GPD1L: variants seen among roughly 807,000 people sequenced by gnomAD.
GPD1L encodes the protein glycerol-3-phosphate dehydrogenase 1-like protein.
GPD1L carries 17 observed loss-of-function variants against 32.9 expected under a neutral mutation model. The observed-to-expected ratio is 0.52, with a 90% CI of 0.35 to 0.78. The LOEUF is 0.78. Among genes scored for constraint, GPD1L ranks in the 30% least tolerant of loss-of-function variants. The pLI is 0.01. For missense variants in GPD1L, 361 were observed against 447.8 expected, an observed-to-expected ratio of 0.81 and a Z score of 1.75; for synonymous variants, 187 against 165.9, an observed-to-expected ratio of 1.13 and a Z score of -0.98.
At chr3:32,136,199 C>G (rs912765184) in intron 2 of GPD1L, among the ~76,000 whole-genome samples, 1 of 152,120 alleles carries the variant, frequency 6.6e-6, no homozygotes. Context: ...ATGGTAGCCC[C>G]GTGGCGTAGG....
intron 1 of GPD1L, 42 bp from the exon 2 acceptor site, chr3:32,128,034 C>T (rs1700536847): frequency 7.2e-7 from 1 of 1,387,102 alleles, no homozygotes; most frequent in African/African-American, 1.4e-5. Context: ...CTCTCCCGCC[C>T]AAGTGAGTTT....
At chr3:32,109,533 CTGGCTGCCTGGCT>C (rs892764098) in intron 1 of GPD1L, among the ~76,000 whole-genome samples, 1 of 152,208 alleles carries the variant, frequency 6.6e-6, no homozygotes, top group Non-Finnish European at 1.5e-5. Context: ...ATGGTTTGGG[CTGGCTGCCTGGCT>C]TCATTAATTA....
chr3:32,128,252 T>G lies in GPD1L; in HGVS notation c.224T>G (p.Val75Gly), dbSNP rs1553658277. The G allele has an allele frequency of 1.2e-6, 2 of 1,612,576 alleles. No homozygotes were observed. Among genetic ancestry groups the G allele is most frequent in the Non-Finnish European group, 1.7e-6 (2 of 1,178,730 alleles). ...YLPGHKLPEN[V>G]VAMSNLSEAV... ...CCTGGACACAAGCTGCCAGAAAATG[T>G]GGTAAGACTTTGGGGTGAAATGTAC... Residue 75 changes from valine to glycine, a missense_variant and splice_region_variant, in exon 2 of 8, where the codon GTG (valine) becomes GGG (glycine). Coordinates refer to ENST00000282541, the MANE Select transcript of GPD1L (RefSeq NM_015141.4).
intron 2 of GPD1L, among the ~76,000 whole-genome samples, chr3:32,135,099 T>C (rs1700645161): frequency 6.6e-6 from 1 of 152,238 alleles, no homozygotes; most frequent in African/African-American, 2.4e-5. Context: ...TTTTTCTCTT[T>C]GGTTCTGGTG....
intron 1 of GPD1L, among the ~76,000 whole-genome samples, chr3:32,110,108 C>T (rs1226381164): frequency 1.3e-5 from 2 of 152,304 alleles, no homozygotes; most frequent in African/African-American, 2.4e-5. Flanking sequence ...TTAGTAGAGA[C>T]GAGGTTTCAC....
chr3:32,108,646 C>A (rs1700199891), intron 1 of GPD1L, among the ~76,000 whole-genome samples: 1 of 152,208 alleles, frequency 6.6e-6, no homozygotes, highest in South Asian at 2.1e-4. Flanking sequence ...TACTTCTGTC[C>A]TTTCTGGAGG....
At chr3:32,163,313 C>A (rs185899658) in intron 7 of GPD1L, among the ~76,000 whole-genome samples, 4 of 151,888 alleles carry the variant, frequency 2.6e-5, no homozygotes, top group African/African-American at 9.7e-5. Flanking sequence ...GGACTACAGG[C>A]GCCCGCCACC....
rs190860377 is a variant in GPD1L, at chr3:32,126,696, C to T, written c.48-1380C>T. On this transcript the variant is annotated intron_variant, in intron 1 of 7. Transcript: ENST00000282541. Reference sequence around the variant, plus strand: ...AATTTCACAGGTACAGCTGCATAGCCTTGATATCTACAGCTATTCTTTTGT... The same window carrying T: ...AATTTCACAGGTACAGCTGCATAGCTTTGATATCTACAGCTATTCTTTTGT... 7.2e-5 allele frequency among the ~76,000 whole-genome samples: 11 copies of T among 152,320 alleles called. No homozygotes were observed. In the East Asian group the frequency reaches 2.1e-3, roughly 29 times the overall value.
intron 1 of GPD1L, among the ~76,000 whole-genome samples, chr3:32,113,045 A>C (rs1481165298): frequency 6.6e-6 from 1 of 152,216 alleles, no homozygotes; most frequent in African/African-American, 2.4e-5. Context: ...TTTTCATAAA[A>C]ATGTTGAGTA....
intron 1 of GPD1L, among the ~76,000 whole-genome samples, chr3:32,113,203 G>A (rs989116877): frequency 1.3e-5 from 2 of 152,032 alleles, no homozygotes; most frequent in Non-Finnish European, 2.9e-5. Context: ...CTATTTTCAA[G>A]GCAATTGATC....
intron 5 of GPD1L, among the ~76,000 whole-genome samples, chr3:32,157,680 A>T (rs746151661): frequency 6.6e-6 from 1 of 152,222 alleles, no homozygotes; most frequent in Non-Finnish European, 1.5e-5. Context: ...CAGGGCTGGT[A>T]AACGTTTTCC....
chr3:32,117,117 C>T (rs1345547841), intron 1 of GPD1L, among the ~76,000 whole-genome samples: 6 of 152,180 alleles, frequency 3.9e-5, no homozygotes. Flanking sequence ...GTAACTGTGT[C>T]TTGAAGCCCT....
chr3:32,155,052 C>T (rs949531326), intron 5 of GPD1L, among the ~76,000 whole-genome samples: 4 of 152,198 alleles, frequency 2.6e-5, no homozygotes, highest in African/African-American at 7.2e-5. Flanking sequence ...GTTTTTACCT[C>T]CCAAGCCTTG....
At chr3:32,114,870 C>T (rs1174527629) in intron 1 of GPD1L, among the ~76,000 whole-genome samples, 3 of 151,992 alleles carry the variant, frequency 2.0e-5, no homozygotes, top group African/African-American at 4.8e-5. Context: ...AAAGGTGGCG[C>T]GTTCAGAGTT....
At chr3:32,122,059 G>T (rs1275601598) in intron 1 of GPD1L, among the ~76,000 whole-genome samples, 1 of 152,100 alleles carries the variant, frequency 6.6e-6, no homozygotes, top group South Asian at 2.1e-4. Flanking sequence ...GTGAGCCACC[G>T]TGCGCAGCAG....
chr3:32,115,237 T>C (rs1224089200), intron 1 of GPD1L, among the ~76,000 whole-genome samples: 1 of 152,050 alleles, frequency 6.6e-6, no homozygotes, highest in Non-Finnish European at 1.5e-5. Context: ...AGAGTGCTGA[T>C]TGGTGCATTT....
intron 5 of GPD1L, 53 bp from the exon 6 acceptor site, chr3:32,158,823 A>C: frequency 6.3e-7 from 1 of 1,589,112 alleles, no homozygotes; most frequent in African/African-American, 1.3e-5. Flanking sequence ...TCTGGCATCC[A>C]TACCCGTGGT....
intron 1 of GPD1L, among the ~76,000 whole-genome samples, chr3:32,114,045 G>A (rs1018490928): frequency 6.6e-6 from 1 of 152,124 alleles, no homozygotes; most frequent in African/African-American, 2.4e-5. Flanking sequence ...CATAGAGGTG[G>A]GGTCTCACTA....
Position 32,154,561 on chromosome 3 carries a change from C to T in GPD1L, c.619-4315C>T, listed in dbSNP as rs945086119. On this transcript the variant is annotated intron_variant, in intron 5 of 7. Coordinates refer to ENST00000282541, the MANE Select transcript of GPD1L (RefSeq NM_015141.4). ...TTCACTCACTGACCCTAGAGCAGCA[C>T]GGTGTGGCGTGATCTTCTCGGGCAA... Among the ~76,000 whole-genome samples, 5 of 152,126 alleles carry T rather than the reference C, an allele frequency of 3.3e-5. No homozygotes were observed. The East Asian group carries it at 5.8e-4, about 18-fold the overall frequency.
Sources: gnomAD v4.1 joint callset for allele counts (sites outside exome capture counted in the v4.1 genomes callset) on GRCh38, gnomAD v4.1.1 for gene constraint, MANE v1.5 for transcripts, NCBI Gene and HGNC (gene_info 2026-07-23, HGNC 2026-07-21) for gene names.